The following HEATR5B variants were observed in gnomAD, a reference collection of about 807,000 sequenced individuals.
The protein encoded by HEATR5B is HEAT repeat-containing protein 5B.
Under a neutral mutation model 224.1 loss-of-function variants are expected in HEATR5B, and 156 were observed. That is an observed-to-expected ratio of 0.70 (90% CI 0.61 to 0.80). The LOEUF (loss-of-function observed/expected upper bound fraction) is 0.80, where lower values mean the gene tolerates loss of function less well. HEATR5B is among the 30% of genes least tolerant of loss of function. The pLI, the probability that HEATR5B is intolerant of heterozygous loss-of-function variation, is 0.00. For synonymous variants in HEATR5B, 1,027 were observed against 893.0 expected, an observed-to-expected ratio of 1.15 and a Z score of -2.68; for missense variants, 2,323 against 2,535.5, an observed-to-expected ratio of 0.92 and a Z score of 1.80.
chr2:37,023,637 C>T (rs1668597607), intron 24 of HEATR5B, among the ~76,000 whole-genome samples: 1 of 151,984 alleles, frequency 6.6e-6, no homozygotes, highest in Admixed American at 6.6e-5. Flanking sequence ...GACATGGCGG[C>T]GGGTGCCTGT....
rs557661928 is a variant in HEATR5B, at chr2:37,069,536, A to G, written c.928-606T>C. ...TGATTAAACACTGATAGAAAATCCA[A>G]TCAAAGCATTAACCAGTATTTTTAG... On this transcript the variant is annotated intron_variant, in intron 7 of 35. Coordinates refer to ENST00000233099, the MANE Select transcript of HEATR5B (RefSeq NM_019024.3). Among the ~76,000 whole-genome samples the G allele has an allele frequency of 3.9e-5, 6 of 152,386 alleles. No homozygotes were observed. In the South Asian group the frequency reaches 8.3e-4, roughly 21 times the overall value.
At chr2:37,047,914 T>C (rs1237222952) in intron 18 of HEATR5B, among the ~76,000 whole-genome samples, 2 of 152,218 alleles carry the variant, frequency 1.3e-5, no homozygotes, top group Admixed American at 1.3e-4. Flanking sequence ...TTACTTTACA[T>C]AGCAGTATAA....
intron 35 of HEATR5B, among the ~76,000 whole-genome samples, chr2:36,987,636 G>C (rs549958545): frequency 1.3e-5 from 2 of 151,978 alleles, no homozygotes; most frequent in African/African-American, 2.4e-5. Flanking sequence ...GTATGCAGTA[G>C]TTTTTCATTA....
intron 18 of HEATR5B, 133 bp from the exon 19 acceptor site, chr2:37,041,425 C>G: frequency 1.3e-6 from 1 of 776,312 alleles, no homozygotes; most frequent in Non-Finnish European, 2.1e-6. Context: ...TCTTTCTCCA[C>G]TCCCTAACAG....
intron 32 of HEATR5B, among the ~76,000 whole-genome samples, chr2:37,001,278 A>G (rs911726093): frequency 6.6e-6 from 1 of 152,208 alleles, no homozygotes; most frequent in African/African-American, 2.4e-5. Flanking sequence ...CAAGGAAAGA[A>G]GAAATGAAAT....
intron 27 of HEATR5B, among the ~76,000 whole-genome samples, chr2:37,013,221 T>C (rs1186622001): frequency 6.6e-6 from 1 of 152,106 alleles, no homozygotes; most frequent in Non-Finnish European, 1.5e-5. Context: ...AATAGGGAAG[T>C]GAGATACTGA....
chr2:37,000,371 T>C (rs2148368829), intron 33 of HEATR5B, among the ~76,000 whole-genome samples: 1 of 152,294 alleles, frequency 6.6e-6, no homozygotes, highest in Non-Finnish European at 1.5e-5. Context: ...CCACCACGCC[T>C]GGCCCCAACA....
In HEATR5B at chr2:37,020,842, A is replaced by C. The variant is rs768383394; in HGVS notation, c.3854-6T>G. 29 of 1,470,970 alleles carry C rather than the reference A, an allele frequency of 2.0e-5. No homozygotes were observed. Among genetic ancestry groups the C allele is most frequent in the Non-Finnish European group, 2.6e-5 (29 of 1,105,868 alleles). The allele number at this position is 1,470,970 out of a possible 1,614,324, so 91.1% of individuals were successfully genotyped here. ...ATGAAGTACCAAGAGGTCATCTAAAAATAAAAATAGAATGCAAAAATGAAA... is the reference window on the plus strand; with the variant it reads ...ATGAAGTACCAAGAGGTCATCTAAACATAAAAATAGAATGCAAAAATGAAA... On this transcript the variant is annotated splice_polypyrimidine_tract_variant and splice_region_variant and intron_variant, in intron 24 of 35. Coordinates refer to ENST00000233099, the MANE Select transcript of HEATR5B (RefSeq NM_019024.3).
Position 37,003,562 on chromosome 2 carries a change from T to G in HEATR5B, c.5030A>C (p.Gln1677Pro), listed in dbSNP as rs1239241888. 1 of 1,607,256 alleles carries G rather than the reference T, an allele frequency of 6.2e-7. No homozygotes were observed. The highest frequency in any genetic ancestry group is 8.5e-7 in the Non-Finnish European group (1 of 1,176,312). The change falls in exon 31 of 36, where the codon CAA becomes CCA. Residue 1677 changes from glutamine to proline, a missense_variant. Physicochemically the swap from Gln to Pro is moderately conservative, Grantham distance 76 (BLOSUM62 -1). Coordinates refer to ENST00000233099, the MANE Select transcript of HEATR5B (RefSeq NM_019024.3). ...CTTACTTAGAGTGTTTCTTTTCTCT[T>G]GCAAATAATCCTGAGCAGCTCTTAC... ...QIVRAAQDYLQEKRNTLNEDD... is the reference protein window; with the variant it reads ...QIVRAAQDYLPEKRNTLNEDD...
At chr2:37,044,400 T>C (rs749879207) in intron 18 of HEATR5B, among the ~76,000 whole-genome samples, 12 of 152,242 alleles carry the variant, frequency 7.9e-5, no homozygotes, top group Admixed American at 3.3e-4. Context: ...TTATTTTACA[T>C]AGAACAAAGC....
chr2:37,033,667 A>G (rs766240734), intron 21 of HEATR5B, among the ~76,000 whole-genome samples: 7 of 152,224 alleles, frequency 4.6e-5, no homozygotes, highest in Non-Finnish European at 8.8e-5. Flanking sequence ...AACATGGCAT[A>G]AAAGTTAAGA....
intron 35 of HEATR5B, among the ~76,000 whole-genome samples, chr2:36,984,215 A>AAAAAAAAAAAAAAAAAAATATAT: frequency 3.9e-5 from 3 of 77,642 alleles, no homozygotes; most frequent in East Asian, 6.2e-4. Flanking sequence ...AAAAAAAAAA[A>AAAAAAAAAAAAAAAAAAATATAT]ATATATATAT....
intron 32 of HEATR5B, among the ~76,000 whole-genome samples, chr2:37,001,505 C>G (rs1011160135): frequency 6.6e-6 from 1 of 151,918 alleles, no homozygotes; most frequent in African/African-American, 2.4e-5. Flanking sequence ...TATCTGATAC[C>G]ATTTTTACCT....
chr2:37,063,771 A>T (rs754487666), intron 10 of HEATR5B, among the ~76,000 whole-genome samples: 1 of 152,212 alleles, frequency 6.6e-6, no homozygotes, highest in Non-Finnish European at 1.5e-5. Context: ...ATAGTAGTAT[A>T]CAACAGAAAG....
chr2:36,993,111 G>T (rs1023314975), intron 33 of HEATR5B, among the ~76,000 whole-genome samples: 4 of 152,118 alleles, frequency 2.6e-5, no homozygotes, highest in Non-Finnish European at 5.9e-5. Context: ...TTTTGGAGAA[G>T]GGGCTGATTC....
chr2:36,993,244 AT>A (rs1322139675), intron 33 of HEATR5B, among the ~76,000 whole-genome samples: 1 of 152,030 alleles, frequency 6.6e-6, no homozygotes, highest in Non-Finnish European at 1.5e-5. Flanking sequence ...TAAAAAAAAA[AT>A]TATGGGCCGG....
intron 34 of HEATR5B, among the ~76,000 whole-genome samples, chr2:36,990,171 A>G (rs992891839): frequency 3.9e-5 from 6 of 152,128 alleles, no homozygotes; most frequent in African/African-American, 1.4e-4. Context: ...CTGGGATTAC[A>G]GGCGTGAGCC....
At chr2:37,054,563 C>A (rs1670779100) in intron 16 of HEATR5B, among the ~76,000 whole-genome samples, 1 of 147,766 alleles carries the variant, frequency 6.8e-6, no homozygotes, top group African/African-American at 2.5e-5. Context: ...TGCCTCCCTG[C>A]AACCTCTGCC....
chr2:37,010,407 G>C (rs76354791), intron 27 of HEATR5B, among the ~76,000 whole-genome samples: 7 of 151,984 alleles, frequency 4.6e-5, no homozygotes, highest in Admixed American at 4.6e-4. Flanking sequence ...AAAATATACA[G>C]CAATTGACTA....
Sources: gnomAD v4.1 joint callset for allele counts (sites outside exome capture counted in the v4.1 genomes callset) on GRCh38, gnomAD v4.1.1 for gene constraint, MANE v1.5 for transcripts, NCBI Gene and HGNC (gene_info 2026-07-23, HGNC 2026-07-21) for gene names.